LUZP2: variants seen among roughly 807,000 people sequenced by gnomAD.
The protein encoded by LUZP2 is leucine zipper protein 2.
In LUZP2, 52 loss-of-function variants were observed where a neutral mutation model predicts 51.6. That is an observed-to-expected ratio of 1.01 (90% CI 0.81 to 1.27). The LOEUF (loss-of-function observed/expected upper bound fraction) is 1.27, where lower values mean the gene tolerates loss of function less well. LUZP2 is among the 50% of genes most tolerant of loss of function. The pLI is 0.00. For missense variants in LUZP2, 436 were observed against 395.4 expected (o/e 1.10, Z -0.87); for synonymous variants, 154 against 137.3 (o/e 1.12, Z -0.85).
chr11:25,073,403 G>T (rs1005992996), intron 10 of LUZP2, among the ~76,000 whole-genome samples: 2 of 152,134 alleles, frequency 1.3e-5, no homozygotes, highest in African/African-American at 4.8e-5. Context: ...TCTTCTCCCT[G>T]TGTGGAGGAA....
At chr11:25,058,223 T>A (rs1435922907) in intron 10 of LUZP2, among the ~76,000 whole-genome samples, 1 of 152,106 alleles carries the variant, frequency 6.6e-6, no homozygotes, top group Admixed American at 6.6e-5. Flanking sequence ...TAGATTCCAA[T>A]GGTCTTTGGA....
intron 1 of LUZP2, among the ~76,000 whole-genome samples, chr11:24,532,829 A>C (rs1259123231): frequency 6.6e-6 from 1 of 151,074 alleles, no homozygotes; most frequent in Non-Finnish European, 1.5e-5. Context: ...CATGCCTTTG[A>C]ATTTTTAACT....
intron 4 of LUZP2, among the ~76,000 whole-genome samples, chr11:24,746,308 T>C (rs1002758344): frequency 3.9e-5 from 6 of 152,188 alleles, no homozygotes. Context: ...CCTTCATATA[T>C]GATGCTTACT....
intron 7 of LUZP2, among the ~76,000 whole-genome samples, chr11:24,922,823 A>ATTTTTTTTTTTT (rs1854100383): frequency 1.1e-5 from 1 of 91,486 alleles, no homozygotes; most frequent in African/African-American, 3.9e-5. Flanking sequence ...GCACAGTTAT[A>ATTTTTTTTTTTT]TCTTTTTTTT....
chr11:24,764,531 T>G (rs988673452), intron 5 of LUZP2, among the ~76,000 whole-genome samples: 18 of 137,706 alleles, frequency 1.3e-4, no homozygotes, highest in African/African-American at 4.7e-4. Flanking sequence ...CTGGGAGTGG[T>G]GGCTCACTTG....
Position 24,838,306 on chromosome 11 carries a change from A to G in LUZP2, c.397-67685A>G, listed in dbSNP as rs1027278829. ...GTCTTTTAATAAAATATTCATATAC[A>G]TTCTCTTTTTGTATACTTAACAACC... On this transcript the variant is annotated intron_variant, in intron 5 of 11. Coordinates refer to ENST00000336930, the MANE Select transcript of LUZP2 (RefSeq NM_001009909.4). 4.0e-5 allele frequency among the ~76,000 whole-genome samples: 6 copies of G among 151,778 alleles called. No individual in the cohort carries two copies. In the South Asian group the frequency reaches 1.0e-3, roughly 26 times the overall value.
intron 2 of LUZP2, among the ~76,000 whole-genome samples, chr11:24,730,770 T>C (rs1482783207): frequency 2.0e-5 from 3 of 151,818 alleles, no homozygotes; most frequent in African/African-American, 7.2e-5. Context: ...GCAAGACATC[T>C]TATAACAGTC....
chr11:24,723,578 C>A (rs1858359179), intron 1 of LUZP2, among the ~76,000 whole-genome samples: 1 of 152,206 alleles, frequency 6.6e-6, no homozygotes, highest in Non-Finnish European at 1.5e-5. Flanking sequence ...ATAATCCCAG[C>A]ACTTTGGGAG....
chr11:24,823,165 G>C (rs1306319217), intron 5 of LUZP2, among the ~76,000 whole-genome samples: 1 of 152,168 alleles, frequency 6.6e-6, no homozygotes, highest in African/African-American at 2.4e-5. Context: ...ACAATAGTCA[G>C]TGGGACCAGC....
chr11:24,698,699 C>T (rs2133903919), intron 1 of LUZP2, among the ~76,000 whole-genome samples: 1 of 152,118 alleles, frequency 6.6e-6, no homozygotes, highest in Middle Eastern at 3.4e-3. Context: ...GAATTTTTTT[C>T]TTCTAGCAAC....
Position 24,887,206 on chromosome 11 carries a change from T to C in LUZP2, c.397-18785T>C, listed in dbSNP as rs1315323171. On this transcript the variant is annotated intron_variant, in intron 5 of 11. Coordinates refer to ENST00000336930, the MANE Select transcript of LUZP2 (RefSeq NM_001009909.4). ...TAGTTTTTTTGATTTTGTTTTGTTT[T>C]GTTTTGTTTTGTTTTCAGATGGAAG... Among the ~76,000 whole-genome samples, 3 of 152,090 alleles carry C rather than the reference T, an allele frequency of 2.0e-5. No homozygotes were observed. In the East Asian group the frequency reaches 5.8e-4, roughly 29 times the overall value.
chr11:24,627,098 G>C (rs1252291072), intron 1 of LUZP2, among the ~76,000 whole-genome samples: 1 of 152,116 alleles, frequency 6.6e-6, no homozygotes, highest in African/African-American at 2.4e-5. Flanking sequence ...AAATCAGCCT[G>C]TTTAAAACTC....
intron 7 of LUZP2, among the ~76,000 whole-genome samples, chr11:24,925,149 AT>A (rs1854188081): frequency 1.3e-5 from 2 of 152,098 alleles, no homozygotes; most frequent in Non-Finnish European, 2.9e-5. Flanking sequence ...AGGGCCTACT[AT>A]TTATCATGTT....
chr11:25,017,837 G>A (rs1207915846), intron 9 of LUZP2, among the ~76,000 whole-genome samples: 3 of 152,086 alleles, frequency 2.0e-5, no homozygotes, highest in Non-Finnish European at 1.5e-5. Flanking sequence ...TAGATTGATA[G>A]GAATTGCACT....
rs2133833142 is a variant in LUZP2, at chr11:24,930,573, G to A, written c.522+16035G>A. On this transcript the variant is annotated intron_variant, in intron 7 of 11. Coordinates refer to ENST00000336930, the MANE Select transcript of LUZP2 (RefSeq NM_001009909.4). ...AACCCCAATCCCTCCTAGGTTGTAG[G>A]GTTTCTGCTAAGAAATCTGTTGTTA... 2.0e-5 allele frequency among the ~76,000 whole-genome samples: 3 copies of A among 152,178 alleles called. No homozygotes were observed. In the South Asian group the frequency reaches 6.2e-4, roughly 32 times the overall value.
At chr11:24,797,835 T>A (rs1464763095) in intron 5 of LUZP2, among the ~76,000 whole-genome samples, 2 of 152,158 alleles carry the variant, frequency 1.3e-5, no homozygotes, top group African/African-American at 4.8e-5. Flanking sequence ...GATGCTAATG[T>A]GGGTTATGGA....
chr11:24,607,020 G>A (rs763171387), intron 1 of LUZP2, among the ~76,000 whole-genome samples: 1 of 151,660 alleles, frequency 6.6e-6, no homozygotes, highest in African/African-American at 2.4e-5. Flanking sequence ...TGAATTGTAC[G>A]ACTTCCTTAT....
intron 1 of LUZP2, among the ~76,000 whole-genome samples, chr11:24,504,770 C>G (rs566732764): frequency 6.6e-6 from 1 of 151,812 alleles, no homozygotes; most frequent in Non-Finnish European, 1.5e-5. Flanking sequence ...ACTAGTACAG[C>G]CAAAATTATA....
At chr11:24,608,252 G>A (rs976165276) in intron 1 of LUZP2, among the ~76,000 whole-genome samples, 3 of 152,122 alleles carry the variant, frequency 2.0e-5, no homozygotes, top group African/African-American at 4.8e-5. Flanking sequence ...CACCCACTTA[G>A]AGAATTCACA....
Sources: allele counts gnomAD v4.1 joint callset (sites outside exome capture counted in the v4.1 genomes callset), GRCh38; gene constraint gnomAD v4.1.1; transcripts MANE v1.5; gene names NCBI Gene and HGNC (gene_info 2026-07-23, HGNC 2026-07-21).